The following HSD17B12 variants were observed in gnomAD, a reference collection of about 807,000 sequenced individuals.
HSD17B12 encodes hydroxysteroid 17-beta dehydrogenase 12.
A neutral mutation model predicts 39.3 loss-of-function variants in HSD17B12; 32 were observed. The ratio of observed to expected loss-of-function variants is 0.81; its 90% confidence interval spans 0.61 to 1.09. HSD17B12 has a LOEUF of 1.09. HSD17B12 is among the 50% of genes least tolerant of loss of function. The pLI is 0.00. For missense variants in HSD17B12, 342 were observed against 382.9 expected, an observed-to-expected ratio of 0.89 and a Z score of 0.89; for synonymous variants, 150 against 146.7, an observed-to-expected ratio of 1.02 and a Z score of -0.16.
chr11:43,844,359 A>T (rs1490661821), intron 9 of HSD17B12, among the ~76,000 whole-genome samples: 1 of 152,090 alleles, frequency 6.6e-6, no homozygotes, highest in Non-Finnish European at 1.5e-5. Context: ...CAGATTTGCC[A>T]TTATATAATC....
chr11:43,557,084 T>A, the HSD17B12 span: 1 of 152,198 alleles, frequency 6.6e-6, no homozygotes, highest in African/African-American at 2.4e-5. Context: ...CATTGAACAA[T>A]TATCTTTGTA....
intron 1 of HSD17B12, among the ~76,000 whole-genome samples, chr11:43,702,251 A>C (rs938879509): frequency 3.3e-5 from 5 of 152,148 alleles, no homozygotes; most frequent in African/African-American, 1.2e-4. Context: ...CTTTTTCCAA[A>C]TATAAGATTA....
At chr11:43,736,703 T>G (rs2134902516) in intron 1 of HSD17B12, among the ~76,000 whole-genome samples, 1 of 152,328 alleles carries the variant, frequency 6.6e-6, no homozygotes, top group East Asian at 1.9e-4. Context: ...TCACTTTCAC[T>G]GTTTGTCTTT....
chr11:43,649,801 CA>C, the HSD17B12 span, among the ~76,000 whole-genome samples: 1 of 152,202 alleles, frequency 6.6e-6, no homozygotes, highest in Non-Finnish European at 1.5e-5. Flanking sequence ...TTTCACCTGA[CA>C]AGTTTGGTTT....
chr11:43,643,883 G>A, the HSD17B12 span, among the ~76,000 whole-genome samples: 1 of 152,150 alleles, frequency 6.6e-6, no homozygotes, highest in Non-Finnish European at 1.5e-5. Flanking sequence ...AAAGTCGAAG[G>A]GGAAGATTAA....
At chr11:43,757,672 T>C (rs1358727238) in intron 3 of HSD17B12, among the ~76,000 whole-genome samples, 2 of 63,626 alleles carry the variant, frequency 3.1e-5, no homozygotes, top group Non-Finnish European at 6.4e-5. Flanking sequence ...AAAAAACAAA[T>C]AGGTAAAAAA....
chr11:43,682,040 A>C (rs1186798035), intron 1 of HSD17B12, among the ~76,000 whole-genome samples: 1 of 152,142 alleles, frequency 6.6e-6, no homozygotes, highest in Non-Finnish European at 1.5e-5. Flanking sequence ...TTGCCTGCAG[A>C]CTGGGCTCAG....
At chr11:43,777,392 A>T (rs1297673775) in intron 3 of HSD17B12, among the ~76,000 whole-genome samples, 1 of 152,132 alleles carries the variant, frequency 6.6e-6, no homozygotes, top group Non-Finnish European at 1.5e-5. Context: ...TTCACTCATG[A>T]TTTGGCTCTC....
At chr11:43,684,636 G>A (rs1048899910) in intron 1 of HSD17B12, among the ~76,000 whole-genome samples, 2 of 152,106 alleles carry the variant, frequency 1.3e-5, no homozygotes, top group Non-Finnish European at 2.9e-5. Context: ...ATTGTTACAC[G>A]CAGTGAAGAA....
intron 4 of HSD17B12, among the ~76,000 whole-genome samples, chr11:43,812,386 T>A (rs11037656): frequency 0.36 from 54,656 of 151,860 alleles, 10,588 homozygotes; most frequent in East Asian, 0.69. Context: ...GCATCTGTTA[T>A]TTTTTGGCTT....
At chr11:43,575,547 C>G in the HSD17B12 span, among the ~76,000 whole-genome samples, 4 of 152,368 alleles carry the variant, frequency 2.6e-5, no homozygotes, top group Admixed American at 2.6e-4. The surrounding 1 kb of genome is among the most constrained non-coding windows in gnomAD (Gnocchi z 4.1). Context: ...CTCGGGGCCC[C>G]GCTTGCCCGG....
At chr11:43,754,929 C>T (rs765211381) in intron 3 of HSD17B12, 36 of 757,504 alleles carry the variant, frequency 4.8e-5, no homozygotes, top group South Asian at 4.7e-4. Context: ...CTAACTTCTA[C>T]TCAATCAACC....
At chr11:43,817,722 C>T (rs1951143734) in intron 6 of HSD17B12, among the ~76,000 whole-genome samples, 1 of 152,040 alleles carries the variant, frequency 6.6e-6, no homozygotes, top group Non-Finnish European at 1.5e-5. Context: ...TTATACCAGT[C>T]CCATGCTGTT....
chr11:43,834,721 A>G (rs1951351967), intron 7 of HSD17B12, among the ~76,000 whole-genome samples: 1 of 152,182 alleles, frequency 6.6e-6, no homozygotes, highest in Non-Finnish European at 1.5e-5. Flanking sequence ...GTCTGAGGGA[A>G]TTCCATGAGA....
At chr11:43,755,232 T>C in intron 3 of HSD17B12, 1 of 185,718 alleles carries the variant, frequency 5.4e-6, no homozygotes, top group East Asian at 1.3e-4. Context: ...AATTACTTCT[T>C]TGAAAAATTG....
chr11:43,632,574 A>AG, the HSD17B12 span, among the ~76,000 whole-genome samples: 1 of 152,110 alleles, frequency 6.6e-6, no homozygotes, highest in African/African-American at 2.4e-5. Context: ...AAGAGTGGTA[A>AG]GGGGAGGTGG....
chr11:43,787,522 A>T (rs1214727502), intron 3 of HSD17B12, among the ~76,000 whole-genome samples: 2 of 151,948 alleles, frequency 1.3e-5, no homozygotes, highest in Admixed American at 1.3e-4. Context: ...AGATCACCTG[A>T]GGTCAGGAGA....
intron 1 of HSD17B12, among the ~76,000 whole-genome samples, chr11:43,726,259 G>A (rs918228788): frequency 6.6e-6 from 1 of 152,038 alleles, no homozygotes; most frequent in Non-Finnish European, 1.5e-5. Flanking sequence ...AGGTTTATTT[G>A]CCCTTAGTGT....
At chr11:43,706,769 A>G (rs1950020287) in intron 1 of HSD17B12, among the ~76,000 whole-genome samples, 1 of 150,526 alleles carries the variant, frequency 6.6e-6, no homozygotes, top group African/African-American at 2.5e-5. Flanking sequence ...GTTTTATAGG[A>G]GAAATACTCA....
Sources: allele counts gnomAD v4.1 joint callset (sites outside exome capture counted in the v4.1 genomes callset), GRCh38; gene constraint gnomAD v4.1.1; non-coding constraint Gnocchi (gnomAD v3.1); transcripts MANE v1.5; gene names NCBI Gene and HGNC (gene_info 2026-07-23, HGNC 2026-07-21).